The following CBY1 variants were observed in gnomAD, a reference collection of about 807,000 sequenced individuals.
CBY1 encodes protein chibby homolog 1.
In CBY1, 10 loss-of-function variants were observed where a neutral mutation model predicts 15.6. The ratio of observed to expected loss-of-function variants is 0.64; its 90% CI spans 0.40 to 1.09. The LOEUF (loss-of-function observed/expected upper bound fraction) is 1.09. CBY1 is among the 50% of genes least tolerant of loss of function. CBY1 has a pLI of 0.01. For missense variants in CBY1, 150 were observed against 160.5 expected (o/e 0.93, Z 0.35); for synonymous variants, 61 against 63.5 (o/e 0.96, Z 0.19).
chr22:38,659,306 C>T (rs2092414948), intron 1 of CBY1, among the ~76,000 whole-genome samples: 1 of 151,924 alleles, frequency 6.6e-6, no homozygotes, highest in South Asian at 2.1e-4. Context: ...GTCGCCCAGG[C>T]TAGAATACAG....
intron 1 of CBY1, among the ~76,000 whole-genome samples, chr22:38,662,556 T>C (rs1156764549): frequency 6.6e-6 from 1 of 151,876 alleles, no homozygotes; most frequent in African/African-American, 2.4e-5. Flanking sequence ...AGTGTCATAA[T>C]CTCAGCTCAC....
chr22:38,671,004 CT>C lies in CBY1; in HGVS notation c.184+16del. On this transcript the variant is annotated intron_variant, in intron 3 of 4. Coordinates refer to ENST00000216029, the MANE Select transcript of CBY1 (RefSeq NM_015373.4). Reference sequence around the variant, plus strand: ...GTGGATAGCAGGTGAGCTGCACTTCCTGCCATTTTGTCAAACAAGATTGTAG... The same window carrying C: ...GTGGATAGCAGGTGAGCTGCACTTCCGCCATTTTGTCAAACAAGATTGTAG... 1 of 1,612,698 alleles carries C rather than the reference CT, an allele frequency of 6.2e-7. No homozygotes were observed. The highest frequency in any genetic ancestry group is 2.2e-5 in the East Asian group (1 of 44,882).
At chr22:38,667,967 A>G (rs2092441648) in intron 1 of CBY1, 50 bp from the exon 2 acceptor site, 3 of 953,342 alleles carry the variant, frequency 3.1e-6, no homozygotes, top group African/African-American at 1.6e-5. Flanking sequence ...AGACAATGGC[A>G]TAAGGTCAGT....
At chr22:38,667,122 C>T (rs2092438918) in intron 1 of CBY1, among the ~76,000 whole-genome samples, 1 of 151,866 alleles carries the variant, frequency 6.6e-6, no homozygotes, top group African/African-American at 2.4e-5. Context: ...GTGATCCTCC[C>T]ACCTAAGCCT....
chr22:38,658,566 T>C (rs1354030955), intron 1 of CBY1, among the ~76,000 whole-genome samples: 1 of 152,032 alleles, frequency 6.6e-6, no homozygotes, highest in African/African-American at 2.4e-5. Flanking sequence ...GTTCACACCA[T>C]TGTCCTGCCT....
chr22:38,660,066 C>T (rs2092417776), intron 1 of CBY1, among the ~76,000 whole-genome samples: 1 of 152,018 alleles, frequency 6.6e-6, no homozygotes, highest in Non-Finnish European at 1.5e-5. Flanking sequence ...GTTTTGAGTG[C>T]CCTTGAAAGA....
rs761829179 is a variant in CBY1, at chr22:38,673,229, G to A, written c.374G>A (p.Arg125Lys). Residue 125 changes from arginine (R) to lysine (K), a missense_variant, in exon 5 of 5, where the codon AGA becomes AAA. Transcript: ENST00000216029. The stretch of plus-strand genomic sequence containing the variant: ...GATGAACTGAGGATCAGCCGGAAGA[G>A]AAAATGAAGACCCCAGAGACATTTA... The part of the protein sequence containing the change: ...ELDELRISRK[R>K]K 1 of 1,608,496 alleles carries A rather than the reference G, an allele frequency of 6.2e-7. No individual in the cohort carries two copies.
At chr22:38,672,922 T>C (rs965263224) in intron 4 of CBY1, among the ~76,000 whole-genome samples, 4 of 152,134 alleles carry the variant, frequency 2.6e-5, no homozygotes, top group Non-Finnish European at 4.4e-5. Context: ...GGGAGTGCCA[T>C]GCCCTCGTGG....
rs962003053 is a variant in CBY1 at position 38,659,081 on chromosome 22, G to A, written c.-39+2331G>A. Among the ~76,000 whole-genome samples the A allele has an allele frequency of 3.9e-5, 6 of 152,034 alleles. 1 individual carries two copies. The highest frequency in any genetic ancestry group is 4.2e-4 in the South Asian group (2 of 4,818). On this transcript the variant is annotated intron_variant, in intron 1 of 4. Coordinates refer to ENST00000216029, the MANE Select transcript of CBY1 (RefSeq NM_015373.4). Reference sequence around the variant, plus strand: ...CTCCTGAGTAGCTGAGATTACAGGCGCACGCCAACATACTGGGCTAATTTT... The same window carrying A: ...CTCCTGAGTAGCTGAGATTACAGGCACACGCCAACATACTGGGCTAATTTT...
intron 4 of CBY1, chr22:38,671,812 C>A (rs1359286674): frequency 6.6e-6 from 1 of 152,334 alleles, no homozygotes; most frequent in Non-Finnish European, 1.5e-5. Flanking sequence ...TGCTCTGTAA[C>A]TTAATTTCTT....
At chr22:38,669,146 G>T (rs2092445369) in intron 2 of CBY1, among the ~76,000 whole-genome samples, 1 of 152,150 alleles carries the variant, frequency 6.6e-6, no homozygotes, top group African/African-American at 2.4e-5. Flanking sequence ...CTTGGTACTT[G>T]TAAGGCCTCC....
intron 1 of CBY1, among the ~76,000 whole-genome samples, chr22:38,662,811 A>G (rs1011146843): frequency 4.6e-5 from 7 of 152,188 alleles, no homozygotes; most frequent in African/African-American, 1.7e-4. Context: ...GTAGGCAAAC[A>G]TTTTAAAAAT....
chr22:38,665,947 C>T (rs2092434567), intron 1 of CBY1, among the ~76,000 whole-genome samples: 1 of 151,012 alleles, frequency 6.6e-6, no homozygotes, highest in Non-Finnish European at 1.5e-5. Context: ...AGGCACAGAG[C>T]AGGGCTCTGT....
chr22:38,660,776 T>C (rs1263852063), intron 1 of CBY1, among the ~76,000 whole-genome samples: 1 of 130,834 alleles, frequency 7.6e-6, no homozygotes, highest in Non-Finnish European at 1.6e-5. Context: ...TCACTCTTGT[T>C]GCCCAGGCTG....
chr22:38,671,282 A>T, intron 4 of CBY1, 94 bp downstream of exon 4: 1 of 944,376 alleles, frequency 1.1e-6, no homozygotes, highest in Non-Finnish European at 1.7e-6. Context: ...CCTCAATGCC[A>T]GTTTGGCCAG....
intron 1 of CBY1, among the ~76,000 whole-genome samples, chr22:38,659,196 A>G (rs2092414565): frequency 6.6e-6 from 1 of 152,156 alleles, no homozygotes; most frequent in Middle Eastern, 3.4e-3. Flanking sequence ...TTGGCCTCCC[A>G]AAGTGCTGGG....
chr22:38,671,557 C>A, intron 4 of CBY1: 1 of 283,162 alleles, frequency 3.5e-6, no homozygotes, highest in Non-Finnish European at 6.9e-6. Flanking sequence ...AGGGGTAGAG[C>A]CGGCTCATGG....
At chr22:38,670,413 A>T (rs962418936) in intron 2 of CBY1, 3 of 153,128 alleles carry the variant, frequency 2.0e-5, no homozygotes, top group African/African-American at 7.2e-5. Context: ...AAAAAAAGAA[A>T]AGAAAAGAAT....
chr22:38,661,408 T>A (rs1405721352), intron 1 of CBY1, among the ~76,000 whole-genome samples: 1 of 152,196 alleles, frequency 6.6e-6, no homozygotes, highest in Non-Finnish European at 1.5e-5. Flanking sequence ...ACTTCTGACC[T>A]CAGGTGATCC....
Sources: allele counts gnomAD v4.1 joint callset (sites outside exome capture counted in the v4.1 genomes callset), GRCh38; gene constraint gnomAD v4.1.1; transcripts MANE v1.5; gene names NCBI Gene and HGNC (gene_info 2026-07-23, HGNC 2026-07-21).